Variants in GLIS3 observed in about 807,000 individuals in gnomAD.
GLIS3 encodes the protein GLIS family zinc finger 3.
Under a neutral mutation model 78.6 loss-of-function variants are expected in GLIS3, and 53 were observed. The ratio of observed to expected loss-of-function variants is 0.67; its 90% CI spans 0.54 to 0.85. GLIS3 has a LOEUF of 0.85. Ranked by LOEUF, GLIS3 falls within the 40% of genes least tolerant of loss-of-function variation. The pLI, the probability that GLIS3 is intolerant of heterozygous loss-of-function variation, is 0.00. For missense variants in GLIS3, 1,703 were observed against 1,231.1 expected, an observed-to-expected ratio of 1.38 and a Z score of -5.74; for synonymous variants, 684 against 509.9, an observed-to-expected ratio of 1.34 and a Z score of -4.60.
chr9:4,220,075 C>T (rs572796075), intron 2 of GLIS3, among the ~76,000 whole-genome samples: 9 of 152,236 alleles, frequency 5.9e-5, no homozygotes, highest in Admixed American at 2.0e-4. Context: ...TAGGACTCAA[C>T]AGGCTGCATA....
chr9:4,303,686 C>T (rs1408890868), upstream of GLIS3, among the ~76,000 whole-genome samples: 2 of 152,184 alleles, frequency 1.3e-5, no homozygotes, highest in African/African-American at 4.8e-5. Context: ...ATATTTCACT[C>T]CATACAATAT....
In GLIS3 at chr9:4,118,834, G is replaced by C; in HGVS notation, c.644C>G (p.Thr215Arg). The change falls in exon 4 of 11, where the codon ACG becomes AGG. Residue 215 changes from threonine (T) to arginine (R), a missense_variant. Physicochemically the swap from Thr to Arg is moderately conservative, Grantham distance 71 (BLOSUM62 -1). Transcript: ENST00000381971. This position sits in a 1 kb window ranked among gnomAD's most constrained non-coding sequence, Gnocchi z 4.7. Reference sequence around the variant, plus strand: ...CATGCTTGAGGCCGACTGACTTTCCGTCAGACTCAAGGTCGTGGACGCCAA... The same window carrying C: ...CATGCTTGAGGCCGACTGACTTTCCCTCAGACTCAAGGTCGTGGACGCCAA... Reference protein sequence around the residue: ...ESLASTTLSLTESQSASSMKQ... With the variant: ...ESLASTTLSLRESQSASSMKQ... The C allele has an allele frequency of 1.9e-6, 3 of 1,605,770 alleles. No individual in the cohort carries two copies. Among genetic ancestry groups the C allele is most frequent in the African/African-American group, 1.3e-5 (1 of 74,940 alleles).
At chr9:3,983,938 A>C (rs1819518364) in intron 4 of GLIS3, among the ~76,000 whole-genome samples, 1 of 152,238 alleles carries the variant, frequency 6.6e-6, no homozygotes, top group African/African-American at 2.4e-5. Flanking sequence ...TAAATAATGA[A>C]GAGTCAAATG....
At chr9:4,270,416 T>C (rs1157272599) in intron 2 of GLIS3, among the ~76,000 whole-genome samples, 1 of 152,196 alleles carries the variant, frequency 6.6e-6, no homozygotes, top group Non-Finnish European at 1.5e-5. Flanking sequence ...ATGGCTTAGG[T>C]GGGTCCTCTG....
the GLIS3 span, among the ~76,000 whole-genome samples, chr9:4,426,955 A>G: frequency 6.6e-6 from 1 of 152,216 alleles, no homozygotes; most frequent in Non-Finnish European, 1.5e-5. Context: ...CATTACAGTT[A>G]AACTGTAGAG....
the GLIS3 span, among the ~76,000 whole-genome samples, chr9:4,421,635 C>T: frequency 6.6e-6 from 1 of 152,202 alleles, no homozygotes; most frequent in African/African-American, 2.4e-5. Context: ...GAAGAGGGTG[C>T]TCTCATTTAT....
chr9:4,046,358 G>A (rs1288781588), intron 4 of GLIS3, among the ~76,000 whole-genome samples: 2 of 152,108 alleles, frequency 1.3e-5, no homozygotes, highest in African/African-American at 4.8e-5. Flanking sequence ...GACCCTGAAT[G>A]GTACAGTATG....
chr9:4,150,689 A>G (rs905117113), intron 2 of GLIS3, among the ~76,000 whole-genome samples: 5 of 152,176 alleles, frequency 3.3e-5, no homozygotes, highest in Non-Finnish European at 5.9e-5. Flanking sequence ...TGCCCCCACC[A>G]TGCTTTGAAT....
At chr9:4,359,121 A>T in the GLIS3 span, among the ~76,000 whole-genome samples, 1 of 152,152 alleles carries the variant, frequency 6.6e-6, no homozygotes, top group Non-Finnish European at 1.5e-5. Flanking sequence ...CCTGCGGTCG[A>T]AAGTGGCTTC....
chr9:4,326,649 A>G (rs370658273), intron 2 of GLIS3, among the ~76,000 whole-genome samples: 4 of 152,032 alleles, frequency 2.6e-5, no homozygotes, highest in Non-Finnish European at 5.9e-5. Context: ...GAATGTTCTT[A>G]ACGTCATGAA....
intron 9 of GLIS3, among the ~76,000 whole-genome samples, chr9:3,833,162 G>A (rs1588048507): frequency 6.6e-6 from 1 of 152,136 alleles, no homozygotes; most frequent in Admixed American, 6.5e-5. Context: ...GGGTGTCTTG[G>A]CTGACACAGG....
intron 4 of GLIS3, among the ~76,000 whole-genome samples, chr9:4,058,773 G>A (rs61354207): frequency 6.6e-6 from 1 of 152,014 alleles, no homozygotes; most frequent in Non-Finnish European, 1.5e-5. Context: ...GAGGTCAGGA[G>A]ATCGAGACCA....
chr9:4,096,097 G>C (rs1007181952), intron 4 of GLIS3, among the ~76,000 whole-genome samples: 1 of 149,214 alleles, frequency 6.7e-6, no homozygotes, highest in African/African-American at 2.5e-5. Flanking sequence ...ATTTTTAAAG[G>C]AAAATAAGGA....
chr9:4,128,094 A>G (rs1832712279), intron 2 of GLIS3, among the ~76,000 whole-genome samples: 2 of 152,192 alleles, frequency 1.3e-5, no homozygotes, highest in Admixed American at 6.5e-5. Context: ...AATACAAACT[A>G]ATGTGATCAC....
chr9:4,329,484 TG>T (rs1311131837), intron 2 of GLIS3, among the ~76,000 whole-genome samples: 1 of 152,140 alleles, frequency 6.6e-6, no homozygotes, highest in Non-Finnish European at 1.5e-5. Context: ...AGGTGGTATC[TG>T]GGGGCCTATA....
the GLIS3 span, among the ~76,000 whole-genome samples, chr9:4,354,139 T>A: frequency 0.17 from 25,980 of 152,004 alleles, 2,329 homozygotes; most frequent in Middle Eastern, 0.26. Flanking sequence ...CCCGGCCAAC[T>A]GCAGGAAAAT....
At chr9:4,190,444 G>C (rs554417951) in intron 2 of GLIS3, among the ~76,000 whole-genome samples, 22,840 of 122,634 alleles carry the variant, frequency 0.19, 3,284 homozygotes, top group South Asian at 0.38. Flanking sequence ...GATGGAAGAT[G>C]AAATGAATGA....
At chr9:4,283,269 GT>G (rs60941880) in intron 2 of GLIS3, among the ~76,000 whole-genome samples, 77,478 of 134,680 alleles carry the variant, frequency 0.58, 21,542 homozygotes, top group East Asian at 0.71. Context: ...TTGTTTTTTT[GT>G]TTTTTTTTTT....
rs1353387117 is a variant in GLIS3 at position 3,987,697 on chromosome 9, A to G, written c.1711-50508T>C. Among the ~76,000 whole-genome samples the G allele has an allele frequency of 2.9e-5, 4 of 140,114 alleles. No individual in the cohort carries two copies. In the East Asian group the frequency reaches 6.4e-4, roughly 22 times the overall value. The allele number at this position is 140,114 out of a possible 152,430, so 91.9% of individuals were successfully genotyped here. A position where few individuals can be genotyped will look rare whatever the true frequency, so the allele number is the denominator to read the frequency against. On this transcript the variant is annotated intron_variant, in intron 4 of 10. Coordinates refer to ENST00000381971, the MANE Select transcript of GLIS3 (RefSeq NM_001042413.2). Reference sequence around the variant, plus strand: ...GGGCGACAAGAGTGAAACAACGTTTAAAAAAAAAAAAGAAAAAGAAAAGAA... The same window carrying G: ...GGGCGACAAGAGTGAAACAACGTTTGAAAAAAAAAAAGAAAAAGAAAAGAA...
Sources: allele counts gnomAD v4.1 joint callset (sites outside exome capture counted in the v4.1 genomes callset), GRCh38; gene constraint gnomAD v4.1.1; non-coding constraint Gnocchi (gnomAD v3.1); transcripts MANE v1.5; gene names NCBI Gene and HGNC (gene_info 2026-07-23, HGNC 2026-07-21).